The following SUMF1 variants were observed in gnomAD, a reference collection of about 807,000 sequenced individuals.
The protein encoded by SUMF1 is sulfatase modifying factor 1, also known as formylglycine-generating enzyme.
SUMF1 carries 48 observed loss-of-function variants against 47.6 expected under a neutral mutation model. The ratio of observed to expected loss-of-function variants is 1.01; its 90% confidence interval spans 0.80 to 1.28. The LOEUF is 1.28. SUMF1 is among the 50% of genes most tolerant of loss of function. The probability of loss-of-function intolerance (pLI) is 0.00; values close to 1 mark genes in which losing one functional copy is unlikely to be tolerated. For missense variants in SUMF1, 571 were observed against 485.4 expected (o/e 1.18, Z -1.66); for synonymous variants, 230 against 192.1 (o/e 1.20, Z -1.63).
intron 8 of SUMF1, among the ~76,000 whole-genome samples, chr3:4,275,292 AC>A (rs1401034444): frequency 6.6e-6 from 1 of 152,186 alleles, no homozygotes. Flanking sequence ...TGAGATGTTC[AC>A]AGGCAGAGAA....
At chr3:4,147,956 A>C (rs1165573052) in intron 8 of SUMF1, among the ~76,000 whole-genome samples, 1 of 152,086 alleles carries the variant, frequency 6.6e-6, no homozygotes, top group Non-Finnish European at 1.5e-5. Context: ...GCAGCTCCGC[A>C]CTATGCTAGG....
rs368132881 is a variant in SUMF1, at chr3:4,201,160, CACTT to C, written c.1015-132419_1015-132416del. Reference sequence around the variant, plus strand: ...TACAAACATTCCAATTTTACTCCCTCACTTATTCTAAAATGTACAACAAACTGCT... The same window carrying C: ...TACAAACATTCCAATTTTACTCCCTCATTCTAAAATGTACAACAAACTGCT... On this transcript the variant is annotated intron_variant and NMD_transcript_variant, in intron 8 of 12. Coordinates refer to the SUMF1 transcript ENST00000448413. Among the ~76,000 whole-genome samples the C allele has an allele frequency of 7.9e-5, 12 of 152,136 alleles. No homozygotes were observed. The South Asian group carries it at 2.3e-3, about 29-fold the overall frequency.
intron 8 of SUMF1, among the ~76,000 whole-genome samples, chr3:4,282,065 C>T (rs1387407218): frequency 1.3e-5 from 2 of 152,076 alleles, no homozygotes; most frequent in Non-Finnish European, 1.5e-5. Flanking sequence ...TTGTCATTAT[C>T]GTGATACATT....
chr3:4,310,194 T>C (rs1427296367), intron 8 of SUMF1, among the ~76,000 whole-genome samples: 1 of 152,242 alleles, frequency 6.6e-6, no homozygotes, highest in Non-Finnish European at 1.5e-5. Flanking sequence ...AGCACATGAC[T>C]ACTCGAAGTT....
intron 9 of SUMF1, among the ~76,000 whole-genome samples, chr3:4,035,585 G>A (rs1274955265): frequency 2.6e-5 from 4 of 152,150 alleles, no homozygotes; most frequent in African/African-American, 9.6e-5. Context: ...ATTAGGACAA[G>A]GATATATTTT....
chr3:4,390,433 T>G (rs1233416906), intron 7 of SUMF1, among the ~76,000 whole-genome samples: 2 of 152,224 alleles, frequency 1.3e-5, no homozygotes, highest in African/African-American at 4.8e-5. Context: ...GAGTGGTTAC[T>G]GTCTAAAAGC....
chr3:4,048,122 A>C (rs1559425757), intron 9 of SUMF1, among the ~76,000 whole-genome samples: 3 of 152,008 alleles, frequency 2.0e-5, no homozygotes, highest in Non-Finnish European at 4.4e-5. Context: ...TTATCATCTC[A>C]CCATATGATT....
chr3:4,227,527 C>T lies in SUMF1; in HGVS notation c.1014+148803G>A, dbSNP rs148959311. 2.9e-3 allele frequency among the ~76,000 whole-genome samples: 435 copies of T among 152,252 alleles called. 2 individuals are homozygous for T. The highest frequency in any genetic ancestry group is 6.1e-3 in the Admixed American group (94 of 15,286). The stretch of plus-strand genomic sequence containing the variant: ...CCGCCGGACTTCCTGAGTCACCCCT[C>T]CCTCACACAGATAGACATGTTCTCC... On this transcript the variant is annotated intron_variant and NMD_transcript_variant, in intron 8 of 12. Transcript: ENST00000448413.
At chr3:4,106,040 T>G (rs1385598010) in intron 8 of SUMF1, among the ~76,000 whole-genome samples, 1 of 151,984 alleles carries the variant, frequency 6.6e-6, no homozygotes, top group Non-Finnish European at 1.5e-5. Context: ...TTGGTCAAAA[T>G]TGCTTTATCT....
chr3:4,037,278 C>T (rs1226185463), intron 9 of SUMF1, among the ~76,000 whole-genome samples: 1 of 152,178 alleles, frequency 6.6e-6, no homozygotes, highest in African/African-American at 2.4e-5. Flanking sequence ...CTGGTCCCTT[C>T]CTTCTCATTC....
At chr3:4,087,285 G>C (rs577265615) in intron 8 of SUMF1, among the ~76,000 whole-genome samples, 1 of 152,170 alleles carries the variant, frequency 6.6e-6, no homozygotes, top group Non-Finnish European at 1.5e-5. Flanking sequence ...AGCTGGGCAA[G>C]TTATAATACC....
chr3:4,463,231 C>T lies in SUMF1; in HGVS notation c.270+3745G>A, dbSNP rs1054360536. 2.0e-5 allele frequency among the ~76,000 whole-genome samples: 3 copies of T among 152,210 alleles called. No homozygotes were observed. In the South Asian group the frequency reaches 6.2e-4, roughly 31 times the overall value. On this transcript the variant is annotated intron_variant, in intron 1 of 8. Transcript: ENST00000272902. ...TTAGGGCTGGGCGCGGTGGCTCACG[C>T]CTGTAATCCCAGCACTTTGGGAGGC...
At chr3:4,167,263 T>A (rs2600136) in intron 8 of SUMF1, among the ~76,000 whole-genome samples, 3 of 151,642 alleles carry the variant, frequency 2.0e-5, no homozygotes, top group Non-Finnish European at 2.9e-5. Context: ...GGGACCCAGG[T>A]GGGTTGCTGC....
rs749532426 is a variant in SUMF1, at chr3:4,453,232, G to A, written c.271-183C>T. Among the ~76,000 whole-genome samples the A allele has an allele frequency of 2.0e-5, 3 of 152,188 alleles. No individual in the cohort carries two copies. In the South Asian group the frequency reaches 6.2e-4, roughly 31 times the overall value. ...GGTGAATCACGAGTCTCAAAAAGAAGTGAAAATTCTTTAAGAAGGTAATCT... is the reference window on the plus strand; with the variant it reads ...GGTGAATCACGAGTCTCAAAAAGAAATGAAAATTCTTTAAGAAGGTAATCT... On this transcript the variant is annotated intron_variant, in intron 1 of 8. Coordinates refer to ENST00000272902, the MANE Select transcript of SUMF1 (RefSeq NM_182760.4).
intron 8 of SUMF1, among the ~76,000 whole-genome samples, chr3:4,085,416 C>CA (rs1692650824): frequency 6.6e-6 from 1 of 151,960 alleles, no homozygotes; most frequent in African/African-American, 2.4e-5. Context: ...GAGCTTCCAC[C>CA]AGTGATGATC....
intron 1 of SUMF1, among the ~76,000 whole-genome samples, chr3:4,465,378 G>C (rs1188400528): frequency 6.6e-6 from 1 of 151,994 alleles, no homozygotes; most frequent in African/African-American, 2.4e-5. Flanking sequence ...GGGAGGCTGA[G>C]GCAGGAAGGA....
At chr3:4,371,493 T>C (rs1575144646) in intron 8 of SUMF1, among the ~76,000 whole-genome samples, 1 of 152,218 alleles carries the variant, frequency 6.6e-6, no homozygotes, top group Non-Finnish European at 1.5e-5. Flanking sequence ...TTGTAACTCA[T>C]GTTAAACGAA....
chr3:4,245,132 A>T (rs1363722351), intron 8 of SUMF1, among the ~76,000 whole-genome samples: 3 of 151,956 alleles, frequency 2.0e-5, no homozygotes, highest in African/African-American at 7.2e-5. Context: ...CTAGCTAGCC[A>T]TTCATCTAAC....
At chr3:4,167,854 A>T (rs1371426420) in intron 8 of SUMF1, among the ~76,000 whole-genome samples, 3 of 152,234 alleles carry the variant, frequency 2.0e-5, no homozygotes, top group Non-Finnish European at 4.4e-5. Context: ...AAGATAGAGC[A>T]GGCATCTCTT....
Sources: allele counts gnomAD v4.1 joint callset (sites outside exome capture counted in the v4.1 genomes callset), GRCh38; gene constraint gnomAD v4.1.1; transcripts MANE v1.5; gene names NCBI Gene and HGNC (gene_info 2026-07-23, HGNC 2026-07-21).